SLCO1A2: variants seen among roughly 807,000 people sequenced by gnomAD.
SLCO1A2 encodes the protein solute carrier organic anion transporter family member 1A2.
SLCO1A2 carries 67 observed loss-of-function variants against 69.0 expected under a neutral mutation model. The observed-to-expected ratio is 0.97, with a 90% CI of 0.80 to 1.19. SLCO1A2 has a LOEUF of 1.19. Ranked by LOEUF, SLCO1A2 falls within the 50% of genes most tolerant of loss-of-function variation. SLCO1A2 has a pLI of 0.00. For synonymous variants in SLCO1A2, 260 were observed against 265.9 expected (o/e 0.98, Z 0.22); for missense variants, 787 against 793.7 (o/e 0.99, Z 0.10).
At chr12:21,324,163 A>T (rs77207093) in intron 2 of SLCO1A2, among the ~76,000 whole-genome samples, 17,413 of 152,210 alleles carry the variant, frequency 0.11, 1,081 homozygotes, top group Non-Finnish European at 0.15. Context: ...GTAAAGAAAA[A>T]CTATAATCCG....
intron 1 of SLCO1A2, among the ~76,000 whole-genome samples, chr12:21,385,862 C>T (rs979596931): frequency 1.3e-5 from 2 of 152,130 alleles, no homozygotes; most frequent in African/African-American, 4.8e-5. Flanking sequence ...GTATTTGATC[C>T]TTACGAGGTG....
intron 2 of SLCO1A2, among the ~76,000 whole-genome samples, chr12:21,359,394 C>T (rs569138197): frequency 1.3e-5 from 2 of 151,680 alleles, no homozygotes; most frequent in African/African-American, 4.8e-5. Context: ...TTGTGTAAAA[C>T]ATTAGTGAAA....
rs755790019 is a variant in SLCO1A2, at chr12:21,275,465, A to C, written c.1611-41T>G. ...GTTTGTAAATAAAAGAAAAATAAAG[A>C]TTTAAAACTATCATATTGTCTTGAA... On this transcript the variant is annotated intron_variant, in intron 12 of 14. Coordinates refer to ENST00000683939, the MANE Select transcript of SLCO1A2 (RefSeq NM_001386879.1). The C allele has an allele frequency of 1.3e-5, 18 of 1,385,776 alleles. No homozygotes were observed. In the Admixed American group the frequency reaches 3.5e-4, roughly 27 times the overall value. The allele number at this position is 1,385,776 out of a possible 1,614,324, so 85.8% of individuals were successfully genotyped here.
intron 2 of SLCO1A2, among the ~76,000 whole-genome samples, chr12:21,340,252 C>T (rs1319179211): frequency 6.6e-6 from 1 of 151,980 alleles, no homozygotes; most frequent in Non-Finnish European, 1.5e-5. Context: ...TAAACACAGT[C>T]ATAGTCACCA....
chr12:21,405,149 C>T (rs1941802633), intron 1 of SLCO1A2, among the ~76,000 whole-genome samples: 1 of 150,094 alleles, frequency 6.7e-6, no homozygotes, highest in Non-Finnish European at 1.5e-5. Context: ...GCATAGATTG[C>T]AAAAATTTTC....
chr12:21,266,675 G>C lies in SLCO1A2; in HGVS notation c.*2873C>G, dbSNP rs1192354775. ...CTCAACCCCAGCCCTTGAACCTTAA[G>C]GGTGTGTATATTCTGAGGTCTTCGA... is the stretch of plus-strand genomic sequence containing the variant. On this transcript the variant is annotated 3_prime_UTR_variant, in exon 15 of 15. Coordinates refer to ENST00000683939, the MANE Select transcript of SLCO1A2 (RefSeq NM_001386879.1). The C allele has an allele frequency of 6.6e-6, 1 of 151,954 alleles. No homozygotes were observed. The highest frequency in any genetic ancestry group is 1.5e-5 in the Non-Finnish European group (1 of 67,990). The allele number at this position is 151,954 out of a possible 1,614,324, so 9.4% of individuals were successfully genotyped here.
intron 2 of SLCO1A2, among the ~76,000 whole-genome samples, chr12:21,366,950 A>G (rs894631695): frequency 6.6e-6 from 1 of 152,120 alleles, no homozygotes; most frequent in Non-Finnish European, 1.5e-5. Flanking sequence ...GAAAAAATTC[A>G]AAAGTACTTT....
At chr12:21,301,524 T>C (rs1212131238) in intron 6 of SLCO1A2, among the ~76,000 whole-genome samples, 2 of 149,416 alleles carry the variant, frequency 1.3e-5, no homozygotes, top group Non-Finnish European at 2.9e-5. Flanking sequence ...CAGGTAGAGA[T>C]TTGCTGTAAC....
At chr12:21,416,620 T>C (rs982943100) in intron 1 of SLCO1A2, among the ~76,000 whole-genome samples, 2 of 152,116 alleles carry the variant, frequency 1.3e-5, no homozygotes, top group African/African-American at 2.4e-5. Context: ...AACTTTTTTT[T>C]TTTAAGAGAC....
intron 12 of SLCO1A2, among the ~76,000 whole-genome samples, chr12:21,282,054 G>A (rs992846002): frequency 1.4e-4 from 21 of 150,906 alleles, no homozygotes; most frequent in Non-Finnish European, 1.3e-4. Flanking sequence ...GAGGAGAGAA[G>A]CCTTCCAAAC....
chr12:21,329,342 C>T (rs191099668), intron 2 of SLCO1A2, among the ~76,000 whole-genome samples: 5 of 152,180 alleles, frequency 3.3e-5, no homozygotes, highest in Admixed American at 1.3e-4. Flanking sequence ...TTTTGTTGCT[C>T]TGGTTTAATT....
chr12:21,282,484 T>C (rs1294150121), intron 12 of SLCO1A2, among the ~76,000 whole-genome samples: 1 of 151,978 alleles, frequency 6.6e-6, no homozygotes, highest in African/African-American at 2.4e-5. Context: ...GTAAGTATCA[T>C]ACTGAGTGGG....
chr12:21,345,733 T>C (rs1406402769), intron 2 of SLCO1A2, among the ~76,000 whole-genome samples: 1 of 152,052 alleles, frequency 6.6e-6, no homozygotes, highest in Non-Finnish European at 1.5e-5. Context: ...AAACCCGAGG[T>C]CAGTAACAGC....
chr12:21,288,171 A>G (rs1391698020), intron 12 of SLCO1A2, among the ~76,000 whole-genome samples: 1 of 152,100 alleles, frequency 6.6e-6, no homozygotes, highest in Non-Finnish European at 1.5e-5. Flanking sequence ...GCTGGGCACG[A>G]TAGCTCATGC....
chr12:21,408,767 C>T (rs932972634), intron 1 of SLCO1A2, among the ~76,000 whole-genome samples: 6 of 151,968 alleles, frequency 3.9e-5, no homozygotes, highest in Admixed American at 2.6e-4. Flanking sequence ...CCCGCACACA[C>T]GCACTTATAG....
intron 1 of SLCO1A2, among the ~76,000 whole-genome samples, chr12:21,408,148 T>C (rs761180290): frequency 6.6e-6 from 1 of 152,200 alleles, no homozygotes; most frequent in Non-Finnish European, 1.5e-5. Flanking sequence ...TTACACAAAA[T>C]AATGTTCCTG....
intron 1 of SLCO1A2, among the ~76,000 whole-genome samples, chr12:21,385,956 T>C (rs1421590167): frequency 6.6e-6 from 1 of 152,244 alleles, no homozygotes; most frequent in Non-Finnish European, 1.5e-5. Flanking sequence ...ACCAAGCCCT[T>C]GGAGTACCCA....
upstream of SLCO1A2, among the ~76,000 whole-genome samples, chr12:21,337,042 G>A (rs1014517194): frequency 1.3e-5 from 2 of 152,058 alleles, no homozygotes; most frequent in African/African-American, 4.8e-5. Context: ...ATAGCTCTGT[G>A]TTGTGTTGTT....
In SLCO1A2 at chr12:21,403,238, G is replaced by A. The variant is rs181313112; in HGVS notation, c.-312+14644C>T. 6.2e-4 allele frequency among the ~76,000 whole-genome samples: 95 copies of A among 152,114 alleles called. 1 individual carries two copies. In the East Asian group the frequency reaches 0.016, roughly 25 times the overall value. ...ATAAACAAACAATATTATTACTACC[G>A]CACAAAACAAATCCTGCATTAAATA... On this transcript the variant is annotated intron_variant, in intron 1 of 4. Transcript: ENST00000413682.
Sources: gnomAD v4.1 joint callset for allele counts (sites outside exome capture counted in the v4.1 genomes callset) on GRCh38, gnomAD v4.1.1 for gene constraint, MANE v1.5 for transcripts, NCBI Gene and HGNC (gene_info 2026-07-23, HGNC 2026-07-21) for gene names.